The following ALG9 variants were observed in gnomAD, a reference collection of about 807,000 sequenced individuals.
ALG9 encodes the protein alpha-1,2-mannosyltransferase ALG9.
ALG9 carries 55 observed loss-of-function variants against 81.8 expected under a neutral mutation model. The ratio of observed to expected loss-of-function variants is 0.67; its 90% CI spans 0.54 to 0.84. ALG9 has a LOEUF of 0.84. ALG9 is among the 40% of genes least tolerant of loss of function. The pLI is 0.00. For synonymous variants in ALG9, 278 were observed against 274.3 expected (o/e 1.01, Z -0.13); for missense variants, 629 against 745.0 (o/e 0.84, Z 1.81).
At chr11:111,802,236 T>C (rs573723379) in intron 14 of ALG9, among the ~76,000 whole-genome samples, 3 of 152,342 alleles carry the variant, frequency 2.0e-5, no homozygotes, top group Admixed American at 6.5e-5. Flanking sequence ...CCCAAGCCCC[T>C]ACACAAAGAT....
intron 14 of ALG9, among the ~76,000 whole-genome samples, chr11:111,795,206 G>A (rs1282581055): frequency 5.3e-5 from 8 of 152,200 alleles, no homozygotes; most frequent in Non-Finnish European, 1.0e-4. Context: ...GAGCGCCTAT[G>A]CTCTGACTCT....
At chr11:111,829,008 CAACT>C (rs1953867832) in intron 13 of ALG9, 1 of 151,990 alleles carries the variant, frequency 6.6e-6, no homozygotes. Flanking sequence ...CTGAAAACAC[CAACT>C]GTCTACTGCC....
intron 13 of ALG9, among the ~76,000 whole-genome samples, chr11:111,820,615 A>C (rs1952179594): frequency 6.6e-6 from 1 of 152,204 alleles, no homozygotes; most frequent in Non-Finnish European, 1.5e-5. Flanking sequence ...GGGGGACACA[A>C]ACCATAGCAT....
chr11:111,836,866 AGCC>A (rs2136819364), intron 12 of ALG9, among the ~76,000 whole-genome samples: 1 of 152,358 alleles, frequency 6.6e-6, no homozygotes, highest in African/African-American at 2.4e-5. Flanking sequence ...AAGCTACTGA[AGCC>A]ATTTCTCAAA....
chr11:111,846,660 C>T (rs1956993778), intron 8 of ALG9, among the ~76,000 whole-genome samples: 1 of 152,030 alleles, frequency 6.6e-6, no homozygotes, highest in South Asian at 2.1e-4. Context: ...GGGGGATAAG[C>T]CAAAAGTGAA....
At chr11:111,831,459 C>A (rs1269866148) in intron 13 of ALG9, among the ~76,000 whole-genome samples, 2 of 152,104 alleles carry the variant, frequency 1.3e-5, no homozygotes, top group Non-Finnish European at 2.9e-5. Context: ...GATGATGACA[C>A]TGCACTCCAG....
At chr11:111,836,329 G>A (rs781921370) in intron 12 of ALG9, 35 bp from the exon 13 acceptor site, 5 of 1,612,666 alleles carry the variant, frequency 3.1e-6, no homozygotes, top group Non-Finnish European at 4.2e-6. Flanking sequence ...GAAAAACACA[G>A]GGGGATAATA....
intron 8 of ALG9, among the ~76,000 whole-genome samples, chr11:111,852,270 A>G (rs190633320): frequency 5.3e-5 from 8 of 152,298 alleles, no homozygotes; most frequent in African/African-American, 1.7e-4. Flanking sequence ...TATTTTAATG[A>G]AAAAACTGCC....
intron 6 of ALG9, among the ~76,000 whole-genome samples, chr11:111,854,309 G>C (rs1376616832): frequency 6.9e-5 from 9 of 130,132 alleles, no homozygotes; most frequent in Non-Finnish European, 1.2e-4. Flanking sequence ...TCACTCTGTC[G>C]CCCAGGCTGG....
intron 14 of ALG9, among the ~76,000 whole-genome samples, chr11:111,791,519 A>T (rs1457167687): frequency 6.6e-6 from 1 of 152,254 alleles, no homozygotes; most frequent in African/African-American, 2.4e-5. Flanking sequence ...CTGTGCATTC[A>T]GCAGCAACTA....
At chr11:111,845,885 G>A (rs1403879293) in intron 8 of ALG9, among the ~76,000 whole-genome samples, 2 of 152,178 alleles carry the variant, frequency 1.3e-5, no homozygotes, top group Non-Finnish European at 2.9e-5. Flanking sequence ...TAGGGGAGAA[G>A]TAAGAGGGAG....
rs782114013 is a variant in ALG9 at position 111,850,706 on chromosome 11, C to CAAAAAAAAAAAAAAAAAA, written c.895+2656_895+2673dup. 3.7e-3 allele frequency among the ~76,000 whole-genome samples: 248 copies of CAAAAAAAAAAAAAAAAAA among 66,626 alleles called. 35 individuals carry two copies. The highest frequency in any genetic ancestry group is 0.021 in the African/African-American group (225 of 10,810). 43.7% of individuals were successfully genotyped at this position (66,626 alleles called of 152,430 possible). On this transcript the variant is annotated intron_variant, in intron 8 of 14. Transcript: ENST00000616540. ...CGGGTGACAGAGCGAGATACTGTCT[C>CAAAAAAAAAAAAAAAAAA]AAAAAAAAAAAAAAAAAATCAGACA...
intron 1 of ALG9, 89 bp downstream of exon 1, chr11:111,871,263 A>C: frequency 7.5e-7 from 1 of 1,333,082 alleles, no homozygotes; most frequent in Non-Finnish European, 9.5e-7. Context: ...GGCCGGACTG[A>C]GCCCCGCGCG....
At position 111,806,894 on chromosome 11, in the gene ALG9, T is replaced by C. The variant is rs559021351; in HGVS notation, c.1733+2749A>G. Among the ~76,000 whole-genome samples the C allele has an allele frequency of 2.0e-5, 3 of 152,274 alleles. No individual in the cohort carries two copies. The East Asian group carries it at 5.8e-4, about 29-fold the overall frequency. Reference sequence around the variant, plus strand: ...TTGCAGTCTCTCCCATCTCAGTTAATAGCAAGTTCATTTTTCCAGTTCCTT... The same window carrying C: ...TTGCAGTCTCTCCCATCTCAGTTAACAGCAAGTTCATTTTTCCAGTTCCTT... On this transcript the variant is annotated intron_variant, in intron 14 of 14. Coordinates refer to ENST00000616540, the MANE Select transcript of ALG9 (RefSeq NM_024740.2).
At chr11:111,853,818 T>C (rs879967935) in intron 6 of ALG9, 82 bp from the exon 7 acceptor site, 2 of 1,265,432 alleles carry the variant, frequency 1.6e-6, no homozygotes, top group South Asian at 2.4e-5. Flanking sequence ...CATGCTGAAC[T>C]GAGAATAAAA....
intron 14 of ALG9, among the ~76,000 whole-genome samples, chr11:111,789,283 G>A (rs1339919717): frequency 4.0e-5 from 6 of 151,830 alleles, no homozygotes; most frequent in Non-Finnish European, 7.4e-5. Flanking sequence ...ACAGGGTCTC[G>A]CTCTGTTGCC....
At chr11:111,856,715 C>T (rs1958751920) in intron 6 of ALG9, among the ~76,000 whole-genome samples, 1 of 149,564 alleles carries the variant, frequency 6.7e-6, no homozygotes, top group Non-Finnish European at 1.5e-5. Context: ...ACCTGTGGTA[C>T]AGGTAAGAAA....
intron 1 of ALG9, 122 bp from the exon 2 acceptor site, chr11:111,870,492 T>G: frequency 1.6e-6 from 2 of 1,280,342 alleles, no homozygotes; most frequent in Non-Finnish European, 2.1e-6. Flanking sequence ...ACTTAAGTTA[T>G]TCACCTAAAA....
rs1555159169 is a variant in ALG9 at position 111,871,509 on chromosome 11, G to A, written c.-27C>T. 6.5e-7 allele frequency: 1 copy of A among 1,535,504 alleles called. No homozygotes were observed. Among genetic ancestry groups the A allele is most frequent in the South Asian group, 1.2e-5 (1 of 83,786 alleles). ...GCAAGCCTGGGGAAAAAAGAATTCG[G>A]CACCCTATGAAGTCGGTGAGCGCGC... On this transcript the variant is annotated 5_prime_UTR_variant, in exon 1 of 15. Coordinates refer to ENST00000616540, the MANE Select transcript of ALG9 (RefSeq NM_024740.2).
Sources: gnomAD v4.1 joint callset for allele counts (sites outside exome capture counted in the v4.1 genomes callset) on GRCh38, gnomAD v4.1.1 for gene constraint, MANE v1.5 for transcripts, NCBI Gene and HGNC (gene_info 2026-07-23, HGNC 2026-07-21) for gene names.